NXF1: variants seen among roughly 807,000 people sequenced by gnomAD.
The protein encoded by NXF1 is mRNA export factor TAP.
In NXF1, 43 loss-of-function variants were observed where a neutral mutation model predicts 92.4. That is an observed-to-expected ratio of 0.47 (90% CI 0.36 to 0.60). The LOEUF is 0.60. Ranked by LOEUF, NXF1 falls within the 20% of genes least tolerant of loss-of-function variation. The pLI is 0.00. For synonymous variants in NXF1, 288 were observed against 292.2 expected, an observed-to-expected ratio of 0.99 and a Z score of 0.15; for missense variants, 576 against 793.0, an observed-to-expected ratio of 0.73 and a Z score of 3.29.
intron 10 of NXF1, chr11:62,799,060 G>C (rs1034124878): frequency 1.0e-5 from 10 of 992,314 alleles, no homozygotes; most frequent in Non-Finnish European, 1.1e-5. Context: ...AGGAAGAGGA[G>C]AGGCAAAGGA....
chr11:62,799,273 C>T (rs2084453929), intron 10 of NXF1: 1 of 985,562 alleles, frequency 1.0e-6, no homozygotes, highest in Non-Finnish European at 1.2e-6. Context: ...TTCAGCTGCC[C>T]CATCCCTGTG....
intron 3 of NXF1, 101 bp from the exon 4 acceptor site, chr11:62,802,361 A>G: frequency 1.1e-6 from 1 of 916,470 alleles, no homozygotes; most frequent in East Asian, 2.6e-5. Flanking sequence ...TTTAAAGACT[A>G]TCTAAAGAAA....
intron 17 of NXF1, among the ~76,000 whole-genome samples, 155 bp downstream of exon 17, chr11:62,795,746 G>A (rs1168472111): frequency 6.6e-6 from 1 of 152,178 alleles, no homozygotes; most frequent in Non-Finnish European, 1.5e-5. Context: ...GACAGGTGGA[G>A]AGGTAGGCCA....
At chr11:62,796,925 G>A in intron 13 of NXF1, 1 of 560,068 alleles carries the variant, frequency 1.8e-6, no homozygotes, top group Non-Finnish European at 3.2e-6. Flanking sequence ...AAATTAGCCA[G>A]GTGCAGTGGC....
chr11:62,799,948 G>A, intron 10 of NXF1: 2 of 996,764 alleles, frequency 2.0e-6, no homozygotes, highest in South Asian at 8.8e-5. Flanking sequence ...ACAAAGGAGG[G>A]AAGGCCCATC....
At position 62,805,410 on chromosome 11, in the gene NXF1, A is replaced by T. The variant is rs1157083675; in HGVS notation, c.-54T>A. 3 of 1,606,032 alleles carry T rather than the reference A, an allele frequency of 1.9e-6. No individual in the cohort carries two copies. Among genetic ancestry groups the T allele is most frequent in the South Asian group, 1.1e-5 (1 of 89,436 alleles). On this transcript the variant is annotated 5_prime_UTR_variant, in exon 1 of 21. Transcript: ENST00000294172. ...GGCGCTGGCCGCTACGCCGGCAAAC[A>T]ACCTAACTCCCAAGCGCTCAGGACC... is the stretch of plus-strand genomic sequence containing the variant.
At position 62,801,231 on chromosome 11, in the gene NXF1, A is replaced by G. The variant is rs995587820; in HGVS notation, c.799-30T>C. 3 of 1,608,314 alleles carry G rather than the reference A, an allele frequency of 1.9e-6. No individual in the cohort carries two copies. In the African/African-American group the frequency reaches 4.0e-5, roughly 22 times the overall value. On this transcript the variant is annotated intron_variant, in intron 8 of 20. Coordinates refer to ENST00000294172, the MANE Select transcript of NXF1 (RefSeq NM_006362.5). ...GAGGAGAGAAGAGTTTAGAGGAGGC[A>G]CCACCAGCAAGTGGATCAGAGACGA...
At position 62,795,017 on chromosome 11, in the gene NXF1, G is replaced by T. The variant is rs1038518772; in HGVS notation, c.1505-10C>A. ...CGGGACTTTCCGTCCACTGCAATAAGAACAGCAACAACACCTTAGGGTCAC... is the reference window on the plus strand; with the variant it reads ...CGGGACTTTCCGTCCACTGCAATAATAACAGCAACAACACCTTAGGGTCAC... On this transcript the variant is annotated splice_polypyrimidine_tract_variant and intron_variant, in intron 17 of 20. Transcript: ENST00000294172. The T allele has an allele frequency of 1.9e-6, 3 of 1,613,656 alleles. No individual in the cohort carries two copies. The highest frequency in any genetic ancestry group is 1.7e-6 in the Non-Finnish European group (2 of 1,179,542).
At position 62,801,637 on chromosome 11, in the gene NXF1, G is replaced by A. The variant is rs1444159933; in HGVS notation, c.640-6C>T. 1.2e-6 allele frequency: 2 copies of A among 1,614,006 alleles called. No individual in the cohort carries two copies. The highest frequency in any genetic ancestry group is 1.7e-6 in the Non-Finnish European group (2 of 1,180,014). On this transcript the variant is annotated splice_polypyrimidine_tract_variant and splice_region_variant and intron_variant, in intron 6 of 20. Coordinates refer to ENST00000294172, the MANE Select transcript of NXF1 (RefSeq NM_006362.5). The stretch of plus-strand genomic sequence containing the variant: ...TATCGTTTGCTCATGATCAGCTAGA[G>A]GAAAAAGAAGGGTTTAGTGGTCACT...
chr11:62,799,172 G>A, intron 10 of NXF1: 1 of 984,984 alleles, frequency 1.0e-6, no homozygotes, highest in Non-Finnish European at 1.2e-6. Context: ...GAAAGAGAAA[G>A]CAAAGAAAAA....
chr11:62,804,086 G>T, intron 1 of NXF1, 108 bp from the exon 2 acceptor site: 1 of 1,591,990 alleles, frequency 6.3e-7, no homozygotes. Context: ...ACATACTAAC[G>T]ACAGAGGCCA....
intron 17 of NXF1, 95 bp from the exon 18 acceptor site, chr11:62,795,102 G>T: frequency 8.4e-7 from 1 of 1,191,540 alleles, no homozygotes. Flanking sequence ...AAGAATCCTA[G>T]CAAGTCAGAG....
In NXF1 at chr11:62,802,041, G is replaced by A. The variant is rs1177640386; in HGVS notation, c.459C>T (p.His153=). The A allele has an allele frequency of 1.2e-6, 2 of 1,613,918 alleles. No individual in the cohort carries two copies. Among genetic ancestry groups the A allele is most frequent in the Non-Finnish European group, 8.5e-7 (1 of 1,179,872 alleles). The part of the protein sequence containing the change: ...CSVPFTPIEF[H]YENTRAQFFV... ...AGAACTGGGCCCGTGTATTCTCATA[G>A]TGAAACTACAAGAGGAAACAGGAGC... is the stretch of plus-strand genomic sequence containing the variant. The change falls in exon 5 of 21, where the codon CAC becomes CAT. Residue 153 remains histidine, a synonymous_variant. Transcript: ENST00000294172.
intron 1 of NXF1, 131 bp from the exon 2 acceptor site, chr11:62,804,109 C>T (rs753588112): frequency 6.4e-7 from 1 of 1,568,922 alleles, no homozygotes; most frequent in South Asian, 1.1e-5. Flanking sequence ...TCCATGCAAA[C>T]TCCGCTCCCT....
chr11:62,801,532 C>A (rs747898852), intron 7 of NXF1, 30 bp downstream of exon 7: 1 of 1,612,744 alleles, frequency 6.2e-7, no homozygotes, highest in Non-Finnish European at 8.5e-7. Context: ...TTATCACCAC[C>A]TATCTGAGAA....
rs1565198194 is a variant in NXF1, at chr11:62,796,155, T to A, written c.1372A>T (p.Thr458Ser). Residue 458 changes from threonine (T) to serine (S), a missense_variant, in exon 16 of 21, where the codon ACG becomes TCG. This residue lies in a region of NXF1 where 425 missense variants were observed against 635.2 expected (regional missense o/e 0.67). Transcript: ENST00000294172. Reference protein sequence around the residue: ...PTLRFRLLKHTRLNVVAFLNE... With the variant: ...PTLRFRLLKHSRLNVVAFLNE... ...AGGAAGGCAACAACGTTGAGACGCG[T>A]GTGCTTCAGCAGCCGGAACCGCAAG... is the stretch of plus-strand genomic sequence containing the variant. 6.2e-7 allele frequency: 1 copy of A among 1,614,018 alleles called. No homozygotes were observed. The highest frequency in any genetic ancestry group is 8.5e-7 in the Non-Finnish European group (1 of 1,180,034).
At chr11:62,797,142 C>T in intron 13 of NXF1, 41 bp downstream of exon 13, 1 of 1,587,914 alleles carries the variant, frequency 6.3e-7, no homozygotes, top group Non-Finnish European at 8.6e-7. Flanking sequence ...ACCATTCCCC[C>T]TCAACCTCGG....
chr11:62,798,348 C>T (rs555725849), intron 11 of NXF1, among the ~76,000 whole-genome samples, 191 bp downstream of exon 11: 6 of 151,410 alleles, frequency 4.0e-5, no homozygotes, highest in African/African-American at 1.5e-4. Context: ...GCAGGAGAAT[C>T]GCTTGAACCT....
At position 62,801,326 on chromosome 11, in the gene NXF1, T is replaced by C; in HGVS notation, c.798+3A>G. On this transcript the variant is annotated splice_donor_region_variant and intron_variant, in intron 8 of 20. Coordinates refer to ENST00000294172, the MANE Select transcript of NXF1 (RefSeq NM_006362.5). Reference sequence around the variant, plus strand: ...ATGCCTAATACTGGGCCAAAGGCCTTACCTCAGGGATGTTCTCTTCAATGA... The same window carrying C: ...ATGCCTAATACTGGGCCAAAGGCCTCACCTCAGGGATGTTCTCTTCAATGA... The C allele has an allele frequency of 6.2e-7, 1 of 1,613,988 alleles. No homozygotes were observed. Among genetic ancestry groups the C allele is most frequent in the Non-Finnish European group, 8.5e-7 (1 of 1,179,854 alleles).
Sources: allele counts gnomAD v4.1 joint callset (sites outside exome capture counted in the v4.1 genomes callset), GRCh38; gene constraint gnomAD v4.1.1; regional missense constraint gnomAD v4.1.1; transcripts MANE v1.5; gene names NCBI Gene and HGNC (gene_info 2026-07-23, HGNC 2026-07-21).